Variants in ENTREP2 observed in about 807,000 individuals in gnomAD.
ENTREP2 encodes the protein endosomal transmembrane epsin interactor 2, also known as protein ENTREP2.
At chr15:29,594,976 G>A in the ENTREP2 span, among the ~76,000 whole-genome samples, 1 of 147,894 alleles carries the variant, frequency 6.8e-6, no homozygotes, top group Non-Finnish European at 1.5e-5. Context: ...GCTGAGGCAG[G>A]AGAATGGCGT....
chr15:29,418,064 T>A, the ENTREP2 span, among the ~76,000 whole-genome samples: 21 of 152,318 alleles, frequency 1.4e-4, no homozygotes, highest in African/African-American at 3.4e-4. Flanking sequence ...TTACAGCAAA[T>A]GTGTTTTAAA....
chr15:29,469,068 A>G, the ENTREP2 span, among the ~76,000 whole-genome samples: 5,404 of 152,240 alleles, frequency 0.035, 107 homozygotes, highest in Middle Eastern at 0.088. Context: ...CCCCATCCCG[A>G]TAGCCCCCTT....
At chr15:29,655,190 T>C in the ENTREP2 span, among the ~76,000 whole-genome samples, 1 of 152,216 alleles carries the variant, frequency 6.6e-6, no homozygotes, top group East Asian at 1.9e-4. Context: ...CTCAGCTTTT[T>C]CCATGTGCCC....
chr15:29,207,455 C>G, the ENTREP2 span, among the ~76,000 whole-genome samples: 12,421 of 120,600 alleles, frequency 0.1, no homozygotes, highest in Non-Finnish European at 0.13. Flanking sequence ...GGTTGGGGGG[C>G]GGGGGGGGTG....
chr15:29,143,592 G>A, the ENTREP2 span, among the ~76,000 whole-genome samples: 1 of 152,352 alleles, frequency 6.6e-6, no homozygotes, highest in South Asian at 2.1e-4. Context: ...GGCTCGGGGG[G>A]CTTCCCACAG....
chr15:29,350,923 G>T, the ENTREP2 span, among the ~76,000 whole-genome samples: 2 of 152,130 alleles, frequency 1.3e-5, no homozygotes, highest in Admixed American at 1.3e-4. Context: ...GCCTGAGCAA[G>T]AGTGAGACTC....
chr15:29,222,141 G>A, the ENTREP2 span, among the ~76,000 whole-genome samples: 1 of 152,256 alleles, frequency 6.6e-6, no homozygotes, highest in Admixed American at 6.5e-5. Context: ...AGGTCATAAA[G>A]ACCTTGCTGA....
the ENTREP2 span, among the ~76,000 whole-genome samples, chr15:29,301,380 C>T: frequency 1.3e-5 from 2 of 152,188 alleles, no homozygotes; most frequent in African/African-American, 4.8e-5. Flanking sequence ...AGTACTTTTA[C>T]TTATGCATGT....
chr15:29,274,234 C>G, the ENTREP2 span, among the ~76,000 whole-genome samples: 2 of 152,122 alleles, frequency 1.3e-5, no homozygotes, highest in Non-Finnish European at 2.9e-5. Context: ...ACAGGTATGA[C>G]TTCATTTAAT....
At chr15:29,577,308 A>C in the ENTREP2 span, among the ~76,000 whole-genome samples, 1 of 81,658 alleles carries the variant, frequency 1.2e-5, no homozygotes, top group Non-Finnish European at 2.9e-5. Context: ...GCAGGGACTC[A>C]AAGAGGTGTG....
chr15:29,325,381 C>T, the ENTREP2 span, among the ~76,000 whole-genome samples: 1 of 151,916 alleles, frequency 6.6e-6, no homozygotes, highest in African/African-American at 2.4e-5. Flanking sequence ...GAAAATTAGA[C>T]TCAGAAAAAA....
chr15:29,212,300 T>C, the ENTREP2 span, among the ~76,000 whole-genome samples: 1 of 152,200 alleles, frequency 6.6e-6, no homozygotes, highest in African/African-American at 2.4e-5. Context: ...ATCTTTTGTG[T>C]TTCAGTGGTG....
chr15:29,174,313 G>A, the ENTREP2 span, among the ~76,000 whole-genome samples: 1 of 152,180 alleles, frequency 6.6e-6, no homozygotes, highest in African/African-American at 2.4e-5. Flanking sequence ...TGACAATGGA[G>A]TGGAAATGCA....
the ENTREP2 span, among the ~76,000 whole-genome samples, chr15:29,554,933 A>G: frequency 6.6e-6 from 1 of 152,248 alleles, no homozygotes; most frequent in Admixed American, 6.5e-5. Context: ...GACAAAAATG[A>G]GATACACAAA....
chr15:29,534,106 CAA>C, the ENTREP2 span, among the ~76,000 whole-genome samples: 9,522 of 44,984 alleles, frequency 0.21, 133 homozygotes, highest in South Asian at 0.25. Flanking sequence ...GCCCCTTGGC[CAA>C]AAAAAAAAAA....
At chr15:29,443,045 C>T in the ENTREP2 span, among the ~76,000 whole-genome samples, 1 of 152,190 alleles carries the variant, frequency 6.6e-6, no homozygotes, top group East Asian at 1.9e-4. Context: ...GGAGGGAAGC[C>T]GCATGTTTTC....
At chr15:29,653,229 T>C in the ENTREP2 span, among the ~76,000 whole-genome samples, 2 of 152,220 alleles carry the variant, frequency 1.3e-5, no homozygotes, top group African/African-American at 4.8e-5. Context: ...TGCACCACAC[T>C]GATTAATACT....
the ENTREP2 span, among the ~76,000 whole-genome samples, chr15:29,656,977 A>C: frequency 1.8e-4 from 28 of 152,298 alleles, no homozygotes; most frequent in East Asian, 4.6e-3. Context: ...ATGTGTCTGC[A>C]GTTGCTGCCG....
the ENTREP2 span, among the ~76,000 whole-genome samples, chr15:29,332,832 G>A: frequency 7.3e-5 from 11 of 151,716 alleles, no homozygotes; most frequent in African/African-American, 2.2e-4. Context: ...GGTGGTGGGC[G>A]CCTGTAATCC....
Sources: allele counts gnomAD v4.1 joint callset (sites outside exome capture counted in the v4.1 genomes callset), GRCh38; gene constraint gnomAD v4.1.1; transcripts MANE v1.5; gene names NCBI Gene and HGNC (gene_info 2026-07-23, HGNC 2026-07-21).